The following LIMK1 variants were observed in gnomAD, a reference collection of about 807,000 sequenced individuals.
LIMK1 encodes LIM motif-containing protein kinase.
In LIMK1, 21 loss-of-function variants were observed where a neutral mutation model predicts 77.6. The observed-to-expected ratio is 0.27, with a 90% CI of 0.19 to 0.39. The LOEUF (loss-of-function observed/expected upper bound fraction) is 0.39, where lower values mean the gene tolerates loss of function less well. Among genes scored for constraint, LIMK1 ranks in the 10% least tolerant of loss-of-function variants. LIMK1 has a pLI of 1.00. For synonymous variants in LIMK1, 358 were observed against 370.0 expected, an observed-to-expected ratio of 0.97 and a Z score of 0.37; for missense variants, 696 against 901.6, an observed-to-expected ratio of 0.77 and a Z score of 2.92.
At chr7:74,099,849 G>A (rs968461303) in intron 5 of LIMK1, among the ~76,000 whole-genome samples, 4 of 152,030 alleles carry the variant, frequency 2.6e-5, no homozygotes, top group Non-Finnish European at 5.9e-5. Flanking sequence ...GCTGGGCGCA[G>A]TAACTCACAC....
chr7:74,104,625 CAA>C (rs532503558), intron 5 of LIMK1, among the ~76,000 whole-genome samples: 4 of 134,428 alleles, frequency 3.0e-5, no homozygotes. Context: ...AACTCTGTCT[CAA>C]AAAAAAAAAA....
Position 74,109,741 on chromosome 7 carries a change from A to G in LIMK1, c.1284+705A>G, listed in dbSNP as rs553725853. 796 of 152,778 alleles carry G rather than the reference A, an allele frequency of 5.2e-3. 5 individuals are homozygous for G. Among genetic ancestry groups the G allele is most frequent in the Non-Finnish European group, 7.6e-3 (523 of 68,460 alleles). The allele number at this position is 152,778 out of a possible 1,614,324, so 9.5% of individuals were successfully genotyped here. A position where few individuals can be genotyped will look rare whatever the true frequency, so the allele number is the denominator to read the frequency against. ...GTGCCTGTAGTCCCAGCTACTCGGG[A>G]GACTGAAGCAGGAGAATGGCGTTGA... On this transcript the variant is annotated intron_variant, in intron 10 of 15. Transcript: ENST00000336180.
At position 74,096,863 on chromosome 7, in the gene LIMK1, T is replaced by A. The variant is rs1799346562; in HGVS notation, c.291+103T>A. On this transcript the variant is annotated intron_variant, in intron 3 of 15. Coordinates refer to ENST00000336180, the MANE Select transcript of LIMK1 (RefSeq NM_002314.4). ...TCATTGTCTCTCCTGGTCTCCTTTT[T>A]GCTGGTCTTTGGAGCTGCTTTCTGA... is the stretch of plus-strand genomic sequence containing the variant. The A allele has an allele frequency of 4.9e-6, 7 of 1,415,256 alleles. No homozygotes were observed. In the Middle Eastern group the frequency reaches 5.5e-4, roughly 111 times the overall value. 87.7% of individuals were successfully genotyped at this position (1,415,256 alleles called of 1,614,324 possible).
Position 74,085,751 on chromosome 7 carries a change from G to C in LIMK1, c.59G>C (p.Ser20Thr). 6.4e-7 allele frequency: 1 copy of C among 1,555,712 alleles called. No homozygotes were observed. Among genetic ancestry groups the C allele is most frequent in the South Asian group, 1.2e-5 (1 of 84,360 alleles). ...WREERMGEEG[S>T]ELPVCASCGQ... Reference sequence around the variant, plus strand: ...CAACTCCCTTCCCACCCTGCAGGAAGCGAGTTGCCCGTGTGTGCAAGCTGC... The same window carrying C: ...CAACTCCCTTCCCACCCTGCAGGAACCGAGTTGCCCGTGTGTGCAAGCTGC... Residue 20 changes from serine to threonine, a missense_variant, in exon 2 of 16, where the codon AGC becomes ACC. This residue lies in a region of LIMK1 where 252 missense variants were observed against 279.4 expected (regional missense o/e 0.90). Transcript: ENST00000336180.
At chr7:74,093,786 G>A (rs1799283106) in intron 2 of LIMK1, among the ~76,000 whole-genome samples, 1 of 152,170 alleles carries the variant, frequency 6.6e-6, no homozygotes, top group Non-Finnish European at 1.5e-5. Context: ...GCTCTGCACA[G>A]CCTCAGTACC....
intron 2 of LIMK1, among the ~76,000 whole-genome samples, chr7:74,091,954 C>CGTTTTTTTTTTTTTTTTTTTTT (rs1799245151): frequency 1.2e-5 from 1 of 80,624 alleles, no homozygotes. Context: ...GGCTGTACAG[C>CGTTTTTTTTTTTTTTTTTTTTT]TTTTTTTTTT....
rs1169659501 is a variant in LIMK1, at chr7:74,096,655, GTACT to G, written c.187_190del (p.Tyr63MetfsTer39). 1 of 1,614,104 alleles carries G rather than the reference GTACT, an allele frequency of 6.2e-7. No homozygotes were observed. The highest frequency in any genetic ancestry group is 8.5e-7 in the Non-Finnish European group (1 of 1,180,028). ...ACTGCAGTGCCTCCCTGTCGCACCA[GTACT>G]ATGAGAAGGATGGGCAGCTCTTCTG... On this transcript the variant is annotated frameshift_variant, in exon 3 of 16. Transcript: ENST00000336180. LOFTEE classifies it high-confidence loss of function.
At position 74,099,015 on chromosome 7, in the gene LIMK1, C is replaced by T. The variant is rs1554696081; in HGVS notation, c.402-17C>T. The T allele has an allele frequency of 1.9e-6, 3 of 1,596,564 alleles. No homozygotes were observed. In the African/African-American group the frequency reaches 4.0e-5, roughly 21 times the overall value. ...GCCCTTGACACTCTTTTCTTCCCAC[C>T]CCGGCGGCTCTTGCAGCGGGCACTG... On this transcript the variant is annotated splice_polypyrimidine_tract_variant and intron_variant, in intron 4 of 15. Coordinates refer to ENST00000336180, the MANE Select transcript of LIMK1 (RefSeq NM_002314.4).
At chr7:74,108,231 G>A (rs993123965) in intron 9 of LIMK1, among the ~76,000 whole-genome samples, 4 of 151,876 alleles carry the variant, frequency 2.6e-5, no homozygotes, top group Non-Finnish European at 5.9e-5. Context: ...CCAGCTACTC[G>A]GGGGGCTGAG....
chr7:74,088,260 C>T (rs1210413266), intron 2 of LIMK1, among the ~76,000 whole-genome samples: 3 of 152,218 alleles, frequency 2.0e-5, no homozygotes, highest in Non-Finnish European at 2.9e-5. Context: ...AATGAACACA[C>T]TCAGTGTGGC....
At chr7:74,095,994 C>T (rs2115656615) in intron 2 of LIMK1, among the ~76,000 whole-genome samples, 1 of 99,788 alleles carries the variant, frequency 1.0e-5, no homozygotes, top group Admixed American at 9.0e-5. Flanking sequence ...GAGACAGAGT[C>T]TCACTCTGTC....
At chr7:74,087,790 A>G (rs781940856) in intron 2 of LIMK1, among the ~76,000 whole-genome samples, 1 of 152,092 alleles carries the variant, frequency 6.6e-6, no homozygotes, top group Non-Finnish European at 1.5e-5. Context: ...GGGTTTTGCC[A>G]TGTTGGCCAG....
chr7:74,104,669 G>A (rs546873140), intron 5 of LIMK1, among the ~76,000 whole-genome samples: 2 of 152,034 alleles, frequency 1.3e-5, no homozygotes, highest in East Asian at 1.9e-4. Flanking sequence ...CCCTAACACC[G>A]AAGAGTTAAA....
intron 13 of LIMK1, among the ~76,000 whole-genome samples, chr7:74,119,531 C>T (rs802092): frequency 0.011 from 1,717 of 151,866 alleles, 12 homozygotes; most frequent in Middle Eastern, 0.027. Context: ...TCCCATTTTA[C>T]AATAAGGAAA....
intron 13 of LIMK1, among the ~76,000 whole-genome samples, chr7:74,117,994 T>C (rs1187054903): frequency 3.3e-5 from 5 of 150,938 alleles, no homozygotes; most frequent in Non-Finnish European, 7.4e-5. Flanking sequence ...CTAGGGAGGC[T>C]GAGGCAGGAG....
chr7:74,096,523 T>G, intron 2 of LIMK1, 99 bp from the exon 3 acceptor site: 1 of 1,494,432 alleles, frequency 6.7e-7, no homozygotes. Context: ...AAAGAAAACT[T>G]GTTCTAATTC....
At chr7:74,114,569 ATCAAACC>A (rs1799769532) in intron 12 of LIMK1, among the ~76,000 whole-genome samples, 1 of 150,024 alleles carries the variant, frequency 6.7e-6, no homozygotes, top group Non-Finnish European at 1.5e-5. Context: ...AAAAAAAAAA[ATCAAACC>A]CGAAAAGCAA....
intron 5 of LIMK1, among the ~76,000 whole-genome samples, chr7:74,103,915 C>T (rs1799517026): frequency 6.6e-6 from 1 of 152,090 alleles, no homozygotes; most frequent in Admixed American, 6.6e-5. Context: ...CTGCCTCAGC[C>T]TCTCGAGTAG....
At chr7:74,084,326 G>A (rs1799090091) in intron 1 of LIMK1, among the ~76,000 whole-genome samples, 2 of 151,934 alleles carry the variant, frequency 1.3e-5, no homozygotes, top group Admixed American at 1.3e-4. Context: ...CCCACCCCGC[G>A]TCGGCCTCCA....
Sources: allele counts gnomAD v4.1 joint callset (sites outside exome capture counted in the v4.1 genomes callset), GRCh38; gene constraint gnomAD v4.1.1; regional missense constraint gnomAD v4.1.1; transcripts MANE v1.5; gene names NCBI Gene and HGNC (gene_info 2026-07-23, HGNC 2026-07-21).